Variants in GSE1 observed in about 807,000 individuals in gnomAD.
The protein encoded by GSE1 is Gse1 coiled-coil protein.
GSE1 carries 32 observed loss-of-function variants against 112.6 expected under a neutral mutation model. The ratio of observed to expected loss-of-function variants is 0.28; its 90% CI spans 0.21 to 0.38. The LOEUF is 0.38. GSE1 is among the 10% of genes least tolerant of loss of function. GSE1 has a pLI of 1.00. For missense variants in GSE1, 2,348 were observed against 1,699.2 expected (o/e 1.38, Z -6.71); for synonymous variants, 1,115 against 735.6 (o/e 1.52, Z -8.35).
chr16:85,321,320 G>A (rs1281158448), intron 1 of GSE1, among the ~76,000 whole-genome samples: 4 of 152,200 alleles, frequency 2.6e-5, no homozygotes, highest in Non-Finnish European at 5.9e-5. Context: ...AGCACAAGGA[G>A]AGAGGAGGGC....
chr16:85,530,874 C>A (rs562453681), intron 2 of GSE1, among the ~76,000 whole-genome samples: 1 of 152,382 alleles, frequency 6.6e-6, no homozygotes, highest in South Asian at 2.1e-4. Flanking sequence ...TCTCTTCTTG[C>A]AGCCTCCGTG....
chr16:85,667,999 T>C (rs1456971760), intron 13 of GSE1, 141 bp from the exon 14 acceptor site: 1 of 656,996 alleles, frequency 1.5e-6, no homozygotes, highest in African/African-American at 1.8e-5. Flanking sequence ...AGGTCCCTCC[T>C]CTCTACGCGA....
chr16:85,649,204 C>G (rs149696651), intron 3 of GSE1, among the ~76,000 whole-genome samples: 5 of 152,230 alleles, frequency 3.3e-5, no homozygotes, highest in African/African-American at 1.2e-4. Context: ...TATTCTCATT[C>G]GGTCACCTCT....
intron 1 of GSE1, among the ~76,000 whole-genome samples, chr16:85,208,184 C>T (rs1035228579): frequency 1.3e-5 from 2 of 152,104 alleles, no homozygotes; most frequent in Admixed American, 1.3e-4. Flanking sequence ...GCCTCAGTTT[C>T]CCTGGTGTCC....
At chr16:85,378,616 A>G (rs1307220185) in intron 2 of GSE1, among the ~76,000 whole-genome samples, 2 of 152,154 alleles carry the variant, frequency 1.3e-5, no homozygotes, top group Non-Finnish European at 2.9e-5. Context: ...TGATTTTTTG[A>G]ATCCTCCCAT....
chr16:85,648,767 C>A lies in GSE1; in HGVS notation c.426+16C>A, dbSNP rs896610470. The A allele has an allele frequency of 2.0e-6, 3 of 1,517,240 alleles. No individual in the cohort carries two copies. Among genetic ancestry groups the A allele is most frequent in the Admixed American group, 1.9e-5 (1 of 52,740 alleles). 94.0% of individuals were successfully genotyped at this position (1,517,240 alleles called of 1,614,324 possible). On this transcript the variant is annotated intron_variant, in intron 3 of 15. Coordinates refer to ENST00000253458, the MANE Select transcript of GSE1 (RefSeq NM_014615.5). Reference sequence around the variant, plus strand: ...GAGCCGGCAGGTGAGTGGGGCGGGGCAGGGAGCCTAGCGTCCTCTAAGTGG... The same window carrying A: ...GAGCCGGCAGGTGAGTGGGGCGGGGAAGGGAGCCTAGCGTCCTCTAAGTGG...
At chr16:85,289,642 T>G (rs574421846) in intron 1 of GSE1, among the ~76,000 whole-genome samples, 2 of 152,198 alleles carry the variant, frequency 1.3e-5, no homozygotes, top group South Asian at 4.1e-4. Flanking sequence ...GCTTAGGGGC[T>G]TAGGGTAAGC....
intron 1 of GSE1, among the ~76,000 whole-genome samples, chr16:85,245,212 A>G (rs149186867): frequency 0.02 from 2,992 of 152,274 alleles, 48 homozygotes; most frequent in Non-Finnish European, 0.026. Context: ...CTCACCATAA[A>G]TAAAAGGTAG....
At chr16:85,647,551 A>T (rs946382245) in intron 2 of GSE1, among the ~76,000 whole-genome samples, 1 of 152,170 alleles carries the variant, frequency 6.6e-6, no homozygotes, top group Non-Finnish European at 1.5e-5. Context: ...ACCGCACTGC[A>T]TCCCTGCTTG....
At chr16:85,222,194 G>C in intron 1 of GSE1, among the ~76,000 whole-genome samples, 1 of 152,358 alleles carries the variant, frequency 6.6e-6, no homozygotes, top group Middle Eastern at 3.4e-3. Context: ...CTGCACTTCA[G>C]TGTAGAGGCC....
At chr16:85,386,907 C>G (rs1219015119) in intron 2 of GSE1, among the ~76,000 whole-genome samples, 5 of 152,174 alleles carry the variant, frequency 3.3e-5, no homozygotes, top group Non-Finnish European at 7.4e-5. Context: ...TGGCTGCTGG[C>G]TTTGGCTGGG....
At chr16:85,217,913 A>AT (rs1235916678) in intron 1 of GSE1, among the ~76,000 whole-genome samples, 1 of 151,474 alleles carries the variant, frequency 6.6e-6, no homozygotes, top group African/African-American at 2.4e-5. Flanking sequence ...TTTTATATAT[A>AT]TTTTTTGAAA....
intron 2 of GSE1, among the ~76,000 whole-genome samples, chr16:85,513,528 C>T (rs747920152): frequency 2.0e-5 from 3 of 152,178 alleles, no homozygotes; most frequent in Non-Finnish European, 2.9e-5. Flanking sequence ...TTCTCTTCCC[C>T]CTCTGCTGCT....
intron 1 of GSE1, among the ~76,000 whole-genome samples, chr16:85,208,512 G>A (rs780965296): frequency 3.9e-5 from 6 of 152,074 alleles, no homozygotes; most frequent in Non-Finnish European, 7.4e-5. Flanking sequence ...TCAGGTCCTC[G>A]TCCCCCACAC....
intron 2 of GSE1, among the ~76,000 whole-genome samples, chr16:85,451,775 G>T (rs2049690288): frequency 6.8e-6 from 1 of 147,438 alleles, no homozygotes; most frequent in Admixed American, 6.8e-5. Flanking sequence ...GTTGGTGCGT[G>T]CGCTGGTGGT....
At chr16:85,404,151 G>T (rs1191838442) in intron 2 of GSE1, among the ~76,000 whole-genome samples, 2 of 94,124 alleles carry the variant, frequency 2.1e-5, no homozygotes, top group African/African-American at 9.4e-5. Flanking sequence ...AATCCACACC[G>T]TTACACTCAG....
At chr16:85,352,237 T>C (rs1047617465) in intron 1 of GSE1, among the ~76,000 whole-genome samples, 1 of 152,202 alleles carries the variant, frequency 6.6e-6, no homozygotes, top group East Asian at 1.9e-4. Context: ...AGCATAACAA[T>C]GCAGGATCTC....
chr16:85,255,202 C>G (rs1375696212), intron 1 of GSE1, among the ~76,000 whole-genome samples: 1 of 152,162 alleles, frequency 6.6e-6, no homozygotes. Context: ...CCACCCGCTC[C>G]CCAGCCCTTC....
intron 1 of GSE1, among the ~76,000 whole-genome samples, chr16:85,557,713 C>T (rs1276047801): frequency 2.0e-5 from 3 of 150,886 alleles, no homozygotes; most frequent in African/African-American, 7.3e-5. Flanking sequence ...GCTGCCCTAA[C>T]CTGGGCAAAC....
Sources: allele counts gnomAD v4.1 joint callset (sites outside exome capture counted in the v4.1 genomes callset), GRCh38; gene constraint gnomAD v4.1.1; transcripts MANE v1.5; gene names NCBI Gene and HGNC (gene_info 2026-07-23, HGNC 2026-07-21).